DLG2: variants seen among roughly 807,000 people sequenced by gnomAD.
The protein encoded by DLG2 is disks large homolog 2.
Under a neutral mutation model 132.5 loss-of-function variants are expected in DLG2, and 45 were observed. The ratio of observed to expected loss-of-function variants is 0.34; its 90% CI spans 0.27 to 0.44. The LOEUF is 0.44. DLG2 is among the 20% of genes least tolerant of loss of function. The probability of loss-of-function intolerance (pLI) is 1.00; values close to 1 mark genes in which losing one functional copy is unlikely to be tolerated. For missense variants in DLG2, 1,045 were observed against 1,196.9 expected, an observed-to-expected ratio of 0.87 and a Z score of 1.87; for synonymous variants, 424 against 419.6, an observed-to-expected ratio of 1.01 and a Z score of -0.13.
At chr11:85,249,172 T>C (rs532508724) in intron 4 of DLG2, among the ~76,000 whole-genome samples, 1 of 152,208 alleles carries the variant, frequency 6.6e-6, no homozygotes, top group East Asian at 1.9e-4. Context: ...CTAGATGTTT[T>C]ATCATGCTCA....
chr11:84,370,663 T>C (rs2098702506), intron 7 of DLG2, among the ~76,000 whole-genome samples: 1 of 152,166 alleles, frequency 6.6e-6, no homozygotes, highest in East Asian at 1.9e-4. Context: ...TAATAACATA[T>C]GTGTGTATTC....
In DLG2 at chr11:84,098,284, C is replaced by A. The variant is rs149234452; in HGVS notation, c.749+639G>T. ...AAACTCCTGACCTCAAGTGATCCATCTGCCTTGGCCTCTCAAAGTGCTGGG... is the reference window on the plus strand; with the variant it reads ...AAACTCCTGACCTCAAGTGATCCATATGCCTTGGCCTCTCAAAGTGCTGGG... On this transcript the variant is annotated intron_variant, in intron 10 of 27. Coordinates refer to ENST00000376104, the MANE Select transcript of DLG2 (RefSeq NM_001142699.3). Among the ~76,000 whole-genome samples the A allele has an allele frequency of 8.0e-3, 1,213 of 152,276 alleles. 17 individuals are homozygous for A. Among genetic ancestry groups the A allele is most frequent in the African/African-American group, 0.027 (1,135 of 41,546 alleles).
At chr11:83,653,380 G>GT (rs1398288456) in intron 18 of DLG2, among the ~76,000 whole-genome samples, 2 of 152,098 alleles carry the variant, frequency 1.3e-5, no homozygotes, top group Non-Finnish European at 2.9e-5. Flanking sequence ...CCTCCTCCCT[G>GT]TCTCCTGTGT....
In DLG2 at chr11:83,813,933, G is replaced by C. The variant is rs183906804; in HGVS notation, c.1722+19681C>G. 3.1e-3 allele frequency among the ~76,000 whole-genome samples: 467 copies of C among 152,248 alleles called. 4 individuals carry two copies. The highest frequency in any genetic ancestry group is 0.011 in the African/African-American group (449 of 41,566). On this transcript the variant is annotated intron_variant, in intron 17 of 27. Transcript: ENST00000376104. ...TTATTGATAAGAAAACTGAGGCACA[G>C]AGAAGTTAAATAAATTGCCGAAATT...
At chr11:84,143,242 G>T (rs2094932479) in intron 9 of DLG2, among the ~76,000 whole-genome samples, 1 of 152,186 alleles carries the variant, frequency 6.6e-6, no homozygotes, top group Non-Finnish European at 1.5e-5. Context: ...AAGTAATGAA[G>T]AGAAGGGACA....
At chr11:83,795,363 G>C (rs145910516) in intron 17 of DLG2, among the ~76,000 whole-genome samples, 1 of 151,886 alleles carries the variant, frequency 6.6e-6, no homozygotes, top group East Asian at 1.9e-4. Context: ...AGCTGAGATC[G>C]TGCCACTGCA....
intron 18 of DLG2, among the ~76,000 whole-genome samples, chr11:83,691,494 C>T (rs1167635576): frequency 6.6e-6 from 1 of 152,180 alleles, no homozygotes; most frequent in African/African-American, 2.4e-5. Flanking sequence ...GCTCTGCTGT[C>T]TCTGGCTGAG....
At chr11:85,616,135 C>G (rs1368888383) in intron 2 of DLG2, among the ~76,000 whole-genome samples, 1 of 152,162 alleles carries the variant, frequency 6.6e-6, no homozygotes, top group East Asian at 1.9e-4. Flanking sequence ...CCTGGGCTCT[C>G]CTCTACTGCA....
intron 6 of DLG2, among the ~76,000 whole-genome samples, chr11:85,066,704 C>T (rs1488418799): frequency 6.6e-6 from 1 of 151,570 alleles, no homozygotes; most frequent in Non-Finnish European, 1.5e-5. Context: ...ATGATTATAT[C>T]AACAGACACC....
At chr11:84,472,412 A>G (rs2099110783) in intron 7 of DLG2, among the ~76,000 whole-genome samples, 1 of 151,920 alleles carries the variant, frequency 6.6e-6, no homozygotes, top group South Asian at 2.1e-4. Flanking sequence ...ATCAGCATAC[A>G]GTTGTGTCTC....
chr11:85,157,330 G>A (rs924027445), intron 4 of DLG2, among the ~76,000 whole-genome samples: 3 of 152,074 alleles, frequency 2.0e-5, no homozygotes, highest in Non-Finnish European at 4.4e-5. Context: ...CCTTTCATTG[G>A]TTTGGGGGTT....
chr11:83,580,549 A>G (rs1260445579), intron 19 of DLG2, among the ~76,000 whole-genome samples: 2 of 152,190 alleles, frequency 1.3e-5, no homozygotes, highest in Admixed American at 6.5e-5. Flanking sequence ...AGGGCTGTCC[A>G]TAAAAGAGTT....
intron 6 of DLG2, among the ~76,000 whole-genome samples, chr11:84,632,065 A>C (rs1463115613): frequency 6.6e-6 from 1 of 152,190 alleles, no homozygotes; most frequent in Non-Finnish European, 1.5e-5. Flanking sequence ...TGAGAGGAAG[A>C]TGTTATTTAT....
At chr11:84,854,830 T>G (rs2082577465) in intron 6 of DLG2, among the ~76,000 whole-genome samples, 2 of 152,050 alleles carry the variant, frequency 1.3e-5, no homozygotes, top group South Asian at 4.1e-4. Context: ...ATTCTTTTAT[T>G]GTGAAATGCC....
chr11:84,537,120 T>TA (rs2099357457), intron 6 of DLG2, among the ~76,000 whole-genome samples: 2 of 152,120 alleles, frequency 1.3e-5, no homozygotes, highest in African/African-American at 2.4e-5. Context: ...CTTTTTTTTT[T>TA]ATGAGACGGA....
chr11:84,745,995 T>A (rs1273889431), intron 6 of DLG2, among the ~76,000 whole-genome samples: 2 of 152,196 alleles, frequency 1.3e-5, no homozygotes, highest in Non-Finnish European at 2.9e-5. Flanking sequence ...TGAACCACAG[T>A]TCAGGTCTAT....
chr11:84,617,942 G>A (rs1288674260), intron 6 of DLG2, among the ~76,000 whole-genome samples: 1 of 152,046 alleles, frequency 6.6e-6, no homozygotes, highest in African/African-American at 2.4e-5. Flanking sequence ...GTTGTAAAGG[G>A]TAAAACAGGT....
At chr11:84,386,707 T>C (rs957761157) in intron 7 of DLG2, among the ~76,000 whole-genome samples, 3 of 152,146 alleles carry the variant, frequency 2.0e-5, no homozygotes, top group South Asian at 2.1e-4. Context: ...GCAAATCCAA[T>C]GTCACGAACC....
intron 8 of DLG2, among the ~76,000 whole-genome samples, chr11:84,210,416 TGGG>T (rs2096737508): frequency 6.8e-6 from 1 of 146,958 alleles, no homozygotes; most frequent in Non-Finnish European, 1.5e-5. Context: ...GGGATAGCAC[TGGG>T]AGATATACCT....
Sources: gnomAD v4.1 joint callset for allele counts (sites outside exome capture counted in the v4.1 genomes callset) on GRCh38, gnomAD v4.1.1 for gene constraint, MANE v1.5 for transcripts, NCBI Gene and HGNC (gene_info 2026-07-23, HGNC 2026-07-21) for gene names.